USP40: variants seen among roughly 807,000 people sequenced by gnomAD.
The protein encoded by USP40 is ubiquitin specific peptidase 40.
USP40 carries 143 observed loss-of-function variants against 166.2 expected under a neutral mutation model. The ratio of observed to expected loss-of-function variants is 0.86; its 90% CI spans 0.75 to 0.99. USP40 has a LOEUF of 0.99. Among genes scored for constraint, USP40 ranks in the 50% least tolerant of loss-of-function variants. The pLI, the probability that USP40 is intolerant of heterozygous loss-of-function variation, is 0.00. For missense variants in USP40, 1,444 were observed against 1,479.7 expected, an observed-to-expected ratio of 0.98 and a Z score of 0.40; for synonymous variants, 498 against 524.0, an observed-to-expected ratio of 0.95 and a Z score of 0.68.
At chr2:233,552,231 A>C (rs1575337567) in intron 6 of USP40, among the ~76,000 whole-genome samples, 1 of 151,764 alleles carries the variant, frequency 6.6e-6, no homozygotes, top group African/African-American at 2.4e-5. Flanking sequence ...AATGAAAAAA[A>C]AAAAACAAAA....
intron 8 of USP40, chr2:233,545,375 G>A (rs2069816616): frequency 6.6e-6 from 1 of 152,192 alleles, no homozygotes; most frequent in South Asian, 2.1e-4. Context: ...CCTCCACTCT[G>A]CCAGTGTCTG....
At chr2:233,542,062 A>G (rs1163165381) in intron 9 of USP40, among the ~76,000 whole-genome samples, 1 of 152,164 alleles carries the variant, frequency 6.6e-6, no homozygotes, top group Non-Finnish European at 1.5e-5. Context: ...ATTTTCTACC[A>G]TGAATATGTA....
rs1312707438 is a variant in USP40, at chr2:233,489,389, A to G, written c.3107T>C (p.Leu1036Ser). Residue 1036 changes from leucine (L) to serine (S), a missense_variant, in exon 27 of 32, where the codon TTA becomes TCA. Leu to Ser is a moderately radical substitution (Grantham distance 145). Coordinates refer to ENST00000678225, the MANE Select transcript of USP40 (RefSeq NM_001365479.2). ...TVERKRPGRL[L>S]RTDRQPLREY... ...CCTGAGTGGCTGCCGGTCAGTTCGT[A>G]AAAGCCTGCCTGGGCGCTTCCTCTC... The G allele has an allele frequency of 6.3e-7, 1 of 1,597,870 alleles. No individual in the cohort carries two copies. Among genetic ancestry groups the G allele is most frequent in the South Asian group, 1.1e-5 (1 of 87,766 alleles).
intron 24 of USP40, 26 bp downstream of exon 24, chr2:233,496,732 T>C (rs766162256): frequency 6.3e-6 from 10 of 1,582,114 alleles, no homozygotes; most frequent in Middle Eastern, 1.7e-4. Context: ...TACTTAAGAG[T>C]TGTCTATTCA....
chr2:233,560,029 G>T (rs1386448756), intron 3 of USP40, 105 bp from the exon 4 acceptor site: 1 of 658,730 alleles, frequency 1.5e-6, no homozygotes, highest in Non-Finnish European at 2.4e-6. Flanking sequence ...GTTCATTCAG[G>T]AGAAAGTTTA....
intron 18 of USP40, among the ~76,000 whole-genome samples, chr2:233,516,328 TA>T (rs201698413): frequency 0.011 from 1,643 of 152,250 alleles, 22 homozygotes; most frequent in East Asian, 0.029. Context: ...TCAATTTCTT[TA>T]AAAAATGTTA....
At chr2:233,543,011 T>A (rs896276983) in intron 8 of USP40, among the ~76,000 whole-genome samples, 1 of 152,252 alleles carries the variant, frequency 6.6e-6, no homozygotes, top group Non-Finnish European at 1.5e-5. Context: ...TGTGTTGACC[T>A]AAGGAAATTC....
intron 11 of USP40, among the ~76,000 whole-genome samples, chr2:233,531,264 A>G (rs925947715): frequency 2.6e-5 from 4 of 152,216 alleles, no homozygotes; most frequent in Non-Finnish European, 5.9e-5. Context: ...CTTCATTGCT[A>G]TAACTTTATA....
intron 4 of USP40, among the ~76,000 whole-genome samples, chr2:233,557,488 G>C (rs1397414421): frequency 6.6e-6 from 1 of 152,228 alleles, no homozygotes; most frequent in Non-Finnish European, 1.5e-5. Flanking sequence ...CTAACACAGT[G>C]TTACTGAGAA....
At chr2:233,563,070 T>C (rs865959246) in intron 2 of USP40, among the ~76,000 whole-genome samples, 1 of 152,116 alleles carries the variant, frequency 6.6e-6, no homozygotes, top group Admixed American at 6.6e-5. Flanking sequence ...AACAGTAACA[T>C]CAGAAATCTT....
At chr2:233,565,954 C>T (rs71423603) in intron 1 of USP40, among the ~76,000 whole-genome samples, 15,634 of 152,070 alleles carry the variant, frequency 0.1, 1,118 homozygotes, top group South Asian at 0.28. Context: ...AAAAGAAAAC[C>T]TGTTGCCACA....
At chr2:233,496,213 C>A (rs914638302) in intron 24 of USP40, among the ~76,000 whole-genome samples, 1 of 152,180 alleles carries the variant, frequency 6.6e-6, no homozygotes, top group Admixed American at 6.5e-5. Flanking sequence ...TTCACTTTTA[C>A]GTGCATCCTC....
At chr2:233,525,385 G>C (rs1437633119) in intron 14 of USP40, 93 bp downstream of exon 14, 3 of 831,034 alleles carry the variant, frequency 3.6e-6, no homozygotes, top group Non-Finnish European at 6.0e-6. Context: ...GTAGTAGGTG[G>C]GGAAGGACTG....
intron 26 of USP40, 161 bp downstream of exon 26, chr2:233,491,006 G>T: frequency 1.4e-6 from 1 of 722,562 alleles, no homozygotes; most frequent in Non-Finnish European, 2.5e-6. Context: ...CTGCACCATG[G>T]GCGTGTATTG....
rs1353013742 is a variant in USP40, at chr2:233,476,121, A to G, written c.*1271T>C. 1 of 152,380 alleles carries G rather than the reference A, an allele frequency of 6.6e-6. No individual in the cohort carries two copies. The highest frequency in any genetic ancestry group is 1.5e-5 in the Non-Finnish European group (1 of 68,090). 9.4% of individuals were successfully genotyped at this position (152,380 alleles called of 1,614,324 possible). ...TCTGGTAGGGGTTTGGACTGTTGGG[A>G]GGAGTATGAGGGACAAAGCAGGCCG... On this transcript the variant is annotated 3_prime_UTR_variant, in exon 32 of 32. Coordinates refer to ENST00000678225, the MANE Select transcript of USP40 (RefSeq NM_001365479.2).
Position 233,523,253 on chromosome 2 carries a change from C to G in USP40, c.2118G>C (p.Lys706Asn). 6.2e-7 allele frequency: 1 copy of G among 1,613,968 alleles called. No homozygotes were observed. The highest frequency in any genetic ancestry group is 1.1e-5 in the South Asian group (1 of 91,080). Reference sequence around the variant, plus strand: ...CCCTGAACGTCTTCCTCATGTCTTCCTTGGGGATGGCCGTCCAACCCTCCC... The same window carrying G: ...CCCTGAACGTCTTCCTCATGTCTTCGTTGGGGATGGCCGTCCAACCCTCCC... ...PGGEGWTAIP[K>N]EDMRKTFREQ... Residue 706 changes from lysine to asparagine, a missense_variant, in exon 16 of 32, where the codon AAG becomes AAC. Coordinates refer to ENST00000678225, the MANE Select transcript of USP40 (RefSeq NM_001365479.2).
At chr2:233,501,926 A>T (rs1320197484) in intron 21 of USP40, among the ~76,000 whole-genome samples, 1 of 152,208 alleles carries the variant, frequency 6.6e-6, no homozygotes, top group African/African-American at 2.4e-5. Flanking sequence ...GAGACAGCAA[A>T]CTGAGAAGGG....
chr2:233,481,923 G>A (rs779883337), intron 30 of USP40, among the ~76,000 whole-genome samples: 4 of 152,202 alleles, frequency 2.6e-5, no homozygotes, highest in Non-Finnish European at 5.9e-5. Context: ...ACCCAGGAAG[G>A]GAAGTGCGTG....
intron 10 of USP40, among the ~76,000 whole-genome samples, chr2:233,536,327 G>C (rs910323650): frequency 6.6e-6 from 1 of 152,152 alleles, no homozygotes; most frequent in African/African-American, 2.4e-5. Flanking sequence ...GAAACGTATA[G>C]CTCATTTGTT....
Sources: gnomAD v4.1 joint callset for allele counts (sites outside exome capture counted in the v4.1 genomes callset) on GRCh38, gnomAD v4.1.1 for gene constraint, MANE v1.5 for transcripts, NCBI Gene and HGNC (gene_info 2026-07-23, HGNC 2026-07-21) for gene names.